The following STX12 variants were observed in gnomAD, a reference collection of about 807,000 sequenced individuals.
STX12 encodes the protein syntaxin-12.
A neutral mutation model predicts 42.2 loss-of-function variants in STX12; 17 were observed. The ratio of observed to expected loss-of-function variants is 0.40; its 90% CI spans 0.28 to 0.60. The LOEUF (loss-of-function observed/expected upper bound fraction) is 0.60. Among genes scored for constraint, STX12 ranks in the 20% least tolerant of loss-of-function variants. The probability of loss-of-function intolerance (pLI) is 0.39; values close to 1 mark genes in which losing one functional copy is unlikely to be tolerated. For missense variants in STX12, 297 were observed against 330.9 expected (o/e 0.90, Z 0.79); for synonymous variants, 108 against 116.7 (o/e 0.93, Z 0.48).
chr1:27,811,432 C>T (rs921080275), intron 5 of STX12, among the ~76,000 whole-genome samples: 1 of 151,978 alleles, frequency 6.6e-6, no homozygotes, highest in African/African-American at 2.4e-5. Flanking sequence ...AAGCAAGACC[C>T]CCATTTCTAA....
intron 4 of STX12, among the ~76,000 whole-genome samples, chr1:27,806,717 T>C (rs1458453106): frequency 4.6e-5 from 7 of 152,206 alleles, no homozygotes; most frequent in African/African-American, 1.7e-4. Flanking sequence ...AGATACTACC[T>C]GAGACTGGAT....
At chr1:27,781,135 C>G (rs1469536743) in intron 1 of STX12, among the ~76,000 whole-genome samples, 1 of 152,064 alleles carries the variant, frequency 6.6e-6, no homozygotes, top group African/African-American at 2.4e-5. Context: ...CCTCTGCCTC[C>G]CGGGGTTAAG....
chr1:27,778,416 C>T (rs1311585572), intron 1 of STX12, among the ~76,000 whole-genome samples: 1 of 152,112 alleles, frequency 6.6e-6, no homozygotes, highest in Non-Finnish European at 1.5e-5. Flanking sequence ...TCTGACTGGG[C>T]GAGGTGTCTC....
intron 1 of STX12, among the ~76,000 whole-genome samples, chr1:27,783,777 C>T (rs893846550): frequency 2.6e-5 from 4 of 152,202 alleles, no homozygotes; most frequent in Non-Finnish European, 4.4e-5. Context: ...AGTTGTAGCA[C>T]ATCAGTCTAA....
intron 4 of STX12, among the ~76,000 whole-genome samples, chr1:27,809,144 G>A (rs2088884835): frequency 6.6e-6 from 1 of 152,006 alleles, no homozygotes; most frequent in Non-Finnish European, 1.5e-5. Context: ...GAGCAGCCTG[G>A]CCAATATGGT....
At position 27,824,331 on chromosome 1, in the gene STX12, A is replaced by G. The variant is rs975497991; in HGVS notation, c.*2002A>G. ...TACTGTGTGACCTGTGGTTGTTGTA[A>G]TGGTGATCATGGAGAGCAAATATGA... On this transcript the variant is annotated 3_prime_UTR_variant, in exon 9 of 9. Transcript: ENST00000373943. The G allele has an allele frequency of 3.9e-5, 6 of 152,172 alleles. No individual in the cohort carries two copies. The highest frequency in any genetic ancestry group is 1.4e-4 in the African/African-American group (6 of 41,448). The allele number at this position is 152,172 out of a possible 1,614,324, so 9.4% of individuals were successfully genotyped here.
At chr1:27,808,030 T>G (rs2088875810) in intron 4 of STX12, among the ~76,000 whole-genome samples, 1 of 152,138 alleles carries the variant, frequency 6.6e-6, no homozygotes. Flanking sequence ...AAGAAAATGA[T>G]TTTCACAAAG....
chr1:27,814,854 A>T (rs945439974), intron 6 of STX12, among the ~76,000 whole-genome samples: 13 of 151,802 alleles, frequency 8.6e-5, no homozygotes, highest in African/African-American at 2.4e-4. Context: ...AAAAAAAAAA[A>T]TACAGTTGGC....
intron 1 of STX12, among the ~76,000 whole-genome samples, chr1:27,776,301 G>A (rs756736736): frequency 1.3e-5 from 2 of 152,112 alleles, no homozygotes; most frequent in Non-Finnish European, 2.9e-5. Context: ...TCCATGTTAT[G>A]TATTAGGAAA....
chr1:27,806,585 A>C (rs1201871938), intron 4 of STX12, among the ~76,000 whole-genome samples: 1 of 152,216 alleles, frequency 6.6e-6, no homozygotes, highest in Non-Finnish European at 1.5e-5. Flanking sequence ...TCAAGAATAC[A>C]TTGGCTTTTA....
At chr1:27,804,641 C>T (rs1228992260) in intron 4 of STX12, among the ~76,000 whole-genome samples, 1 of 151,574 alleles carries the variant, frequency 6.6e-6, no homozygotes, top group Non-Finnish European at 1.5e-5. Context: ...GAAACCCCAT[C>T]GCTACTAAAA....
rs1383206012 is a variant in STX12, at chr1:27,808,311, T to TGTTA, written c.427-1935_427-1934insGTTA. ...TGATTTTTACCATTTTTGCTTTGTTTTTTATTTATTTATTTATTTATTTAT... is the reference window on the plus strand; with the variant it reads ...TGATTTTTACCATTTTTGCTTTGTTTGTTATTTATTTATTTATTTATTTATTTAT... On this transcript the variant is annotated intron_variant, in intron 4 of 8. Transcript: ENST00000373943. Among the ~76,000 whole-genome samples, 4 of 144,236 alleles carry TGTTA rather than the reference T, an allele frequency of 2.8e-5. No individual in the cohort carries two copies. In the East Asian group the frequency reaches 6.0e-4, roughly 22 times the overall value. 94.6% of individuals were successfully genotyped at this position (144,236 alleles called of 152,430 possible). A position where few individuals can be genotyped will look rare whatever the true frequency, so the allele number is the denominator to read the frequency against.
At chr1:27,816,975 GA>G (rs1474233343) in intron 6 of STX12, among the ~76,000 whole-genome samples, 22 of 141,856 alleles carry the variant, frequency 1.6e-4, no homozygotes, top group African/African-American at 5.5e-4. Context: ...GGGAGGGAGG[GA>G]AAAAAGGAAG....
intron 8 of STX12, among the ~76,000 whole-genome samples, chr1:27,821,561 ATT>A (rs61213603): frequency 2.5e-4 from 37 of 147,844 alleles, no homozygotes; most frequent in African/African-American, 8.6e-4. Flanking sequence ...CGCTTGCTGT[ATT>A]TTTTTTTTTA....
chr1:27,786,160 G>A (rs1419511390), intron 1 of STX12, among the ~76,000 whole-genome samples: 1 of 152,136 alleles, frequency 6.6e-6, no homozygotes, highest in Admixed American at 6.6e-5. Flanking sequence ...ATAATTGTTT[G>A]CAAGGCCCTA....
chr1:27,800,491 GTGTGTGT>G (rs2088820182), intron 3 of STX12, among the ~76,000 whole-genome samples: 1 of 8,128 alleles, frequency 1.2e-4, no homozygotes, highest in Non-Finnish European at 1.8e-4. Flanking sequence ...AGTATGTGGT[GTGTGTGT>G]GTGTGTGTGT....
chr1:27,801,184 A>G (rs953828853), intron 3 of STX12, among the ~76,000 whole-genome samples: 2 of 152,310 alleles, frequency 1.3e-5, no homozygotes, highest in Admixed American at 1.3e-4. Flanking sequence ...AGATCACCTG[A>G]GGTGAGGAGT....
Position 27,809,102 on chromosome 1 carries a change from G to A in STX12, c.427-1144G>A, listed in dbSNP as rs375520733. Among the ~76,000 whole-genome samples the A allele has an allele frequency of 2.2e-4, 33 of 152,264 alleles. 1 individual carries two copies. The South Asian group carries it at 2.7e-3, about 12-fold the overall frequency. ...TGTAATCCCAACACTTTGGGAGGCC[G>A]AGGCAGGCGGATCACGAGGTCAGGA... is the stretch of plus-strand genomic sequence containing the variant. On this transcript the variant is annotated intron_variant, in intron 4 of 8. Transcript: ENST00000373943.
chr1:27,788,428 T>C (rs954906484), intron 1 of STX12, among the ~76,000 whole-genome samples: 3 of 152,218 alleles, frequency 2.0e-5, no homozygotes, highest in Non-Finnish European at 4.4e-5. Flanking sequence ...TATTGATAGA[T>C]GATCAGTTCC....
Sources: gnomAD v4.1 joint callset for allele counts (sites outside exome capture counted in the v4.1 genomes callset) on GRCh38, gnomAD v4.1.1 for gene constraint, MANE v1.5 for transcripts, NCBI Gene and HGNC (gene_info 2026-07-23, HGNC 2026-07-21) for gene names.